Variants in TENM1 observed in about 807,000 individuals in gnomAD.
The protein encoded by TENM1 is teneurin-1.
TENM1 carries 35 observed loss-of-function variants against 174.8 expected under a neutral mutation model. The observed-to-expected ratio is 0.20, with a 90% CI of 0.15 to 0.27. The LOEUF is 0.27. Ranked by LOEUF, TENM1 falls within the 10% of genes least tolerant of loss-of-function variation. TENM1 has a pLI of 1.00. For missense variants in TENM1, 1,633 were observed against 2,130.1 expected (o/e 0.77, Z 4.59); for synonymous variants, 781 against 798.7 (o/e 0.98, Z 0.37).
At chrX:124,499,671 A>AGT (rs2047282983) in intron 19 of TENM1, among the ~76,000 whole-genome samples, 1 of 112,112 alleles carries the variant, frequency 8.9e-6, no homozygotes. Flanking sequence ...ATTTAATTGC[A>AGT]GTGTGGTCAA....
rs977671049 is a variant in TENM1 at position 124,832,861 on chromosome X, C to T, written c.535+61435G>A. ...AAGTGCAGGGATTACAACTGTGAGC[C>T]ACCACAGCCAGCCAGAAAGCCTTTG... On this transcript the variant is annotated intron_variant, in intron 3 of 31. Transcript: ENST00000422452. Among the ~76,000 whole-genome samples, 35 of 112,325 alleles carry T rather than the reference C, an allele frequency of 3.1e-4. No individual in the cohort carries two copies. In the Admixed American group the frequency reaches 3.3e-3, roughly 11 times the overall value.
exon 30 of TENM1, chrX:124,383,704 T>C (rs1348347113): frequency 8.3e-7 from 1 of 1,207,990 alleles, no homozygotes; most frequent in African/African-American, 1.8e-5. Flanking sequence ...AGAGGTTGAA[T>C]GGTTTAGGAA....
At chrX:124,985,333 A>G in the TENM1 span, among the ~76,000 whole-genome samples, 18 of 112,306 alleles carry the variant, frequency 1.6e-4, no homozygotes, top group Non-Finnish European at 2.8e-4. Flanking sequence ...CTGATCCTTC[A>G]ATCTTGCTAA....
intron 1 of TENM1, among the ~76,000 whole-genome samples, chrX:124,924,989 C>T (rs893077133): frequency 1.8e-5 from 2 of 109,894 alleles, no homozygotes; most frequent in Admixed American, 2.0e-4. Flanking sequence ...GATAATTGGG[C>T]CTGTGAGCTG....
At chrX:125,050,209 G>A in the TENM1 span, among the ~76,000 whole-genome samples, 3 of 108,908 alleles carry the variant, frequency 2.8e-5, no homozygotes, top group East Asian at 2.9e-4. Context: ...TGTGCACAAC[G>A]TGCAGGTTAG....
chrX:124,471,505 T>C (rs2061330277), intron 22 of TENM1, among the ~76,000 whole-genome samples: 1 of 69,904 alleles, frequency 1.4e-5, no homozygotes, highest in Non-Finnish European at 2.4e-5. Flanking sequence ...ATATAATATA[T>C]AATATATAGT....
intron 4 of TENM1, among the ~76,000 whole-genome samples, chrX:124,711,298 G>A (rs924814667): frequency 9.0e-6 from 1 of 111,548 alleles, no homozygotes; most frequent in Admixed American, 9.5e-5. Context: ...TATAAAAAAG[G>A]GGAAAATGTG....
chrX:124,394,827 A>C (rs1314594203), intron 27 of TENM1, among the ~76,000 whole-genome samples: 2 of 112,250 alleles, frequency 1.8e-5, no homozygotes, highest in Non-Finnish European at 3.8e-5. Context: ...TCCTTGTGTT[A>C]TTCAATGTTC....
intron 3 of TENM1, among the ~76,000 whole-genome samples, chrX:124,859,280 C>G (rs1265800072): frequency 9.1e-6 from 1 of 110,080 alleles, no homozygotes; most frequent in African/African-American, 3.3e-5. Context: ...CGCGGTGGCT[C>G]AAGCCTGTAA....
the TENM1 span, among the ~76,000 whole-genome samples, chrX:125,108,183 A>G: frequency 9.0e-6 from 1 of 111,437 alleles, no homozygotes; most frequent in Non-Finnish European, 1.9e-5. Flanking sequence ...ACCAGGCCAC[A>G]TTAACACTAT....
At chrX:124,630,166 A>G (rs2050725198) in intron 11 of TENM1, among the ~76,000 whole-genome samples, 1 of 112,764 alleles carries the variant, frequency 8.9e-6, no homozygotes, top group East Asian at 2.8e-4. Context: ...GAGTGCCTTA[A>G]CTTTCATTGC....
the TENM1 span, among the ~76,000 whole-genome samples, chrX:125,051,937 C>T: frequency 0.21 from 22,548 of 106,277 alleles, 2,483 homozygotes; most frequent in African/African-American, 0.36. Flanking sequence ...ATTTTTGCAA[C>T]CTTCTCATCT....
intron 22 of TENM1, among the ~76,000 whole-genome samples, chrX:124,471,561 T>C (rs1282981976): frequency 1.4e-5 from 1 of 70,588 alleles, no homozygotes; most frequent in African/African-American, 5.9e-5. Context: ...TATAATTATA[T>C]AATACATCAT....
intron 3 of TENM1, among the ~76,000 whole-genome samples, chrX:124,787,870 T>G (rs763954364): frequency 3.8e-4 from 43 of 111,986 alleles, no homozygotes; most frequent in Non-Finnish European, 6.2e-4. Flanking sequence ...ACACTGCTGA[T>G]AAAGACATAC....
intron 1 of TENM1, among the ~76,000 whole-genome samples, chrX:124,931,526 A>G (rs1326569244): frequency 9.0e-6 from 1 of 111,125 alleles, no homozygotes; most frequent in Non-Finnish European, 1.9e-5. Flanking sequence ...CGCCCAAGAA[A>G]AGGGTAGGAT....
chrX:124,422,131 T>A lies in TENM1; in HGVS notation c.4471+141A>T, dbSNP rs757650047. ...GAGAACAAGTCGGTGATCTGACTCCTAATCCATCGCTTTCTCCACTAGCTC... is the reference window on the plus strand; with the variant it reads ...GAGAACAAGTCGGTGATCTGACTCCAAATCCATCGCTTTCTCCACTAGCTC... On this transcript the variant is annotated intron_variant, in intron 24 of 31. Transcript: ENST00000422452. 49 of 778,247 alleles carry A rather than the reference T, an allele frequency of 6.3e-5. 1 individual carries two copies. The highest frequency in any genetic ancestry group is 8.6e-5 in the Non-Finnish European group (48 of 556,014). 64.1% of individuals were successfully genotyped at this position (778,247 alleles called of 1,213,427 possible).
Position 124,797,298 on chromosome X carries a change from C to A in TENM1, c.536-60101G>T, listed in dbSNP as rs183124015. 2.6e-3 allele frequency among the ~76,000 whole-genome samples: 287 copies of A among 111,619 alleles called. 2 individuals carry two copies. The highest frequency in any genetic ancestry group is 2.7e-3 in the Non-Finnish European group (141 of 53,040). ...CAGGCAAGTAGATAAACAAGGGCAA[C>A]CTGCAGTTGATTATTCTTTGAGGGG... On this transcript the variant is annotated intron_variant, in intron 3 of 31. Coordinates refer to ENST00000422452, the Ensembl canonical transcript of TENM1.
chrX:124,900,464 T>C (rs778904274), intron 1 of TENM1, among the ~76,000 whole-genome samples: 138 of 111,860 alleles, frequency 1.2e-3, no homozygotes, highest in African/African-American at 4.3e-3. Context: ...TTGATTGTGG[T>C]GATAGTTTCA....
chrX:124,510,916 C>T (rs927860437), intron 18 of TENM1, among the ~76,000 whole-genome samples: 8 of 111,849 alleles, frequency 7.2e-5, no homozygotes, highest in African/African-American at 2.3e-4. Flanking sequence ...AAAACGAAAA[C>T]GCTGGTTGAC....
Sources: allele counts gnomAD v4.1 joint callset (sites outside exome capture counted in the v4.1 genomes callset), GRCh38; gene constraint gnomAD v4.1.1; transcripts MANE v1.5; gene names NCBI Gene and HGNC (gene_info 2026-07-23, HGNC 2026-07-21).